The following GRHL2 variants were observed in gnomAD, a reference collection of about 807,000 sequenced individuals.
GRHL2 encodes the protein grainyhead-like protein 2 homolog.
A neutral mutation model predicts 83.8 loss-of-function variants in GRHL2; 21 were observed. That is an observed-to-expected ratio of 0.25 (90% CI 0.18 to 0.36). GRHL2 has a LOEUF of 0.36. Among genes scored for constraint, GRHL2 ranks in the 10% least tolerant of loss-of-function variants. The probability of loss-of-function intolerance (pLI) is 1.00; values close to 1 mark genes in which losing one functional copy is unlikely to be tolerated. For synonymous variants in GRHL2, 280 were observed against 278.9 expected, an observed-to-expected ratio of 1.00 and a Z score of -0.04; for missense variants, 623 against 781.8, an observed-to-expected ratio of 0.80 and a Z score of 2.42.
chr8:101,516,922 G>A (rs368617340), intron 1 of GRHL2, among the ~76,000 whole-genome samples: 1 of 152,186 alleles, frequency 6.6e-6, no homozygotes, highest in African/African-American at 2.4e-5. Flanking sequence ...CTGGGCATTT[G>A]AAGGTGTGGC....
chr8:101,651,408 G>C (rs1007299043), intron 14 of GRHL2, among the ~76,000 whole-genome samples: 1 of 152,234 alleles, frequency 6.6e-6, no homozygotes, highest in Non-Finnish European at 1.5e-5. Context: ...TATTTTTAAC[G>C]AGCTCCTGAG....
At position 101,518,603 on chromosome 8, in the gene GRHL2, T is replaced by A. The variant is rs116624516; in HGVS notation, c.21-24638T>A. The stretch of plus-strand genomic sequence containing the variant: ...GTCTTCAGCTATTTTTGCCATTGCC[T>A]CCCTGCTCATCACCCATGCCACATG... On this transcript the variant is annotated intron_variant, in intron 1 of 15. Transcript: ENST00000646743. 4.5e-3 allele frequency among the ~76,000 whole-genome samples: 691 copies of A among 152,226 alleles called. 5 individuals carry two copies. Among genetic ancestry groups the A allele is most frequent in the African/African-American group, 0.016 (657 of 41,526 alleles).
intron 1 of GRHL2, among the ~76,000 whole-genome samples, chr8:101,535,645 T>C (rs1370086655): frequency 6.6e-6 from 1 of 152,134 alleles, no homozygotes; most frequent in East Asian, 1.9e-4. Context: ...TTCAAGCAAT[T>C]TTCCTGCCTC....
intron 8 of GRHL2, among the ~76,000 whole-genome samples, chr8:101,603,127 G>C (rs1268933959): frequency 6.6e-6 from 1 of 151,962 alleles, no homozygotes; most frequent in African/African-American, 2.4e-5. Flanking sequence ...ATATCAACAA[G>C]CTGGATAATA....
At chr8:101,575,505 C>T (rs986894776) in intron 6 of GRHL2, among the ~76,000 whole-genome samples, 2 of 152,142 alleles carry the variant, frequency 1.3e-5, no homozygotes, top group Non-Finnish European at 2.9e-5. Flanking sequence ...CAGAGTGGCT[C>T]TTTCTTACTC....
the GRHL2 span, among the ~76,000 whole-genome samples, chr8:101,680,641 C>G: frequency 5.1e-4 from 63 of 124,242 alleles, no homozygotes; most frequent in East Asian, 2.8e-3. Flanking sequence ...CAGCACCACA[C>G]CACACCTATT....
At chr8:101,612,789 CTG>C (rs1415775169) in intron 8 of GRHL2, among the ~76,000 whole-genome samples, 1 of 150,948 alleles carries the variant, frequency 6.6e-6, no homozygotes, top group African/African-American at 2.5e-5. Context: ...TATTTGTTGA[CTG>C]TCTACCATGG....
intron 4 of GRHL2, among the ~76,000 whole-genome samples, chr8:101,561,103 A>T (rs1397914528): frequency 6.6e-6 from 1 of 151,010 alleles, no homozygotes; most frequent in Admixed American, 6.6e-5. Context: ...TTTTCTTTAG[A>T]TGTTTATTAG....
At chr8:101,657,925 G>A (rs1428641118) in intron 14 of GRHL2, among the ~76,000 whole-genome samples, 2 of 152,148 alleles carry the variant, frequency 1.3e-5, no homozygotes, top group Non-Finnish European at 2.9e-5. Context: ...ACGATCATGT[G>A]CCACACGTTT....
chr8:101,674,834 G>A, the GRHL2 span, among the ~76,000 whole-genome samples: 1 of 152,052 alleles, frequency 6.6e-6, no homozygotes, highest in South Asian at 2.1e-4. Context: ...AACGAATCCA[G>A]CAGCACATCA....
intron 1 of GRHL2, among the ~76,000 whole-genome samples, chr8:101,519,912 A>C (rs536048212): frequency 6.6e-6 from 1 of 152,328 alleles, no homozygotes; most frequent in African/African-American, 2.4e-5. Context: ...ATTATTGTCT[A>C]ATTATTGAAA....
chr8:101,530,500 G>T (rs1346149022), intron 1 of GRHL2, among the ~76,000 whole-genome samples: 1 of 151,948 alleles, frequency 6.6e-6, no homozygotes, highest in East Asian at 1.9e-4. Flanking sequence ...AAATATAATA[G>T]TTCCCTTATT....
In GRHL2 at chr8:101,650,804, ATATC is replaced by A. The variant is rs59979330; in HGVS notation, c.1698+1328_1698+1331del. Among the ~76,000 whole-genome samples the A allele has an allele frequency of 7.4e-3, 1,077 of 145,966 alleles. 14 individuals carry two copies. Among genetic ancestry groups the A allele is most frequent in the East Asian group, 0.057 (295 of 5,150 alleles). ...AAGATGGTTAAAATGGTGAATTGTG[ATATC>A]TATCTATCTATCTATCTATCTAGTA... is the stretch of plus-strand genomic sequence containing the variant. On this transcript the variant is annotated intron_variant, in intron 14 of 15. Transcript: ENST00000646743.
chr8:101,625,750 C>T (rs538622998), intron 9 of GRHL2, among the ~76,000 whole-genome samples: 8 of 152,072 alleles, frequency 5.3e-5, no homozygotes, highest in African/African-American at 7.2e-5. Context: ...TCCTATTTTA[C>T]GTATCGGTCA....
intron 8 of GRHL2, among the ~76,000 whole-genome samples, chr8:101,609,125 T>G (rs4305864): frequency 0.5 from 73,832 of 148,888 alleles, 20,613 homozygotes; most frequent in African/African-American, 0.72. Context: ...ATAGGACTTA[T>G]ACATTCTCCA....
intron 2 of GRHL2, among the ~76,000 whole-genome samples, chr8:101,548,815 G>A (rs1041449647): frequency 6.6e-6 from 1 of 152,196 alleles, no homozygotes; most frequent in Non-Finnish European, 1.5e-5. Flanking sequence ...ACCTTAAACC[G>A]AGCACAGCTG....
At chr8:101,600,154 C>T (rs1812480551) in intron 8 of GRHL2, among the ~76,000 whole-genome samples, 1 of 152,182 alleles carries the variant, frequency 6.6e-6, no homozygotes. Context: ...TCTCATTTCA[C>T]TCAAGTATAA....
intron 8 of GRHL2, among the ~76,000 whole-genome samples, chr8:101,616,807 T>C (rs539307474): frequency 1.3e-5 from 2 of 152,324 alleles, no homozygotes; most frequent in East Asian, 1.9e-4. Flanking sequence ...CTATATCTAA[T>C]GTTGTGTTTG....
In GRHL2 at chr8:101,644,176, G is replaced by A. The variant is rs1392072790; in HGVS notation, c.1563G>A (p.Glu521=). 1 of 1,614,184 alleles carries A rather than the reference G, an allele frequency of 6.2e-7. No individual in the cohort carries two copies. The highest frequency in any genetic ancestry group is 8.5e-7 in the Non-Finnish European group (1 of 1,180,002). Residue 521 remains glutamate (E), a synonymous_variant, in exon 13 of 16, where the codon GAG becomes GAA. Coordinates refer to ENST00000646743, the MANE Select transcript of GRHL2 (RefSeq NM_024915.4). ...VKRMFRPMEE[E]FGPVPSKQMK... is the part of the protein sequence containing the mutation. ...GGATGTTCCGGCCCATGGAAGAGGA[G>A]TTTGGTCCAGTGCCTTCAAAGCAGA...
Sources: gnomAD v4.1 joint callset for allele counts (sites outside exome capture counted in the v4.1 genomes callset) on GRCh38, gnomAD v4.1.1 for gene constraint, MANE v1.5 for transcripts, NCBI Gene and HGNC (gene_info 2026-07-23, HGNC 2026-07-21) for gene names.